VPS13A: variants seen among roughly 807,000 people sequenced by gnomAD.
The protein encoded by VPS13A is vacuolar protein sorting 13 homolog A.
Under a neutral mutation model 390.9 loss-of-function variants are expected in VPS13A, and 264 were observed. The ratio of observed to expected loss-of-function variants is 0.68; its 90% CI spans 0.61 to 0.75. The LOEUF is 0.75. Ranked by LOEUF, VPS13A falls within the 30% of genes least tolerant of loss-of-function variation. The pLI is 0.00. For missense variants in VPS13A, 3,409 were observed against 3,733.9 expected (o/e 0.91, Z 2.27); for synonymous variants, 1,231 against 1,227.1 (o/e 1.00, Z -0.07).
In VPS13A at chr9:77,225,957, T is replaced by C. The variant is rs1195440507; in HGVS notation, c.1193T>C (p.Ile398Thr). The C allele has an allele frequency of 4.3e-6, 7 of 1,612,260 alleles. No individual in the cohort carries two copies. Among genetic ancestry groups the C allele is most frequent in the Non-Finnish European group, 5.9e-6 (7 of 1,179,168 alleles). ...GAAAAAACCTTGGATGTCTTTAATA[T>C]AACTATAGCTAGACAGACGGCAGAA... Reference protein sequence around the residue: ...ELEKTLDVFNITIARQTAEVE... With the variant: ...ELEKTLDVFNTTIARQTAEVE... The change falls in exon 14 of 72, where the codon ATA (isoleucine) becomes ACA (threonine). Residue 398 changes from isoleucine to threonine, a missense_variant. Physicochemically the swap from Ile to Thr is moderately conservative, Grantham distance 89. Around this residue, in one of 5 missense-constraint regions of VPS13A, gnomAD observed 2,717 missense variants for 2,917.4 expected, o/e 0.93. Coordinates refer to ENST00000360280, the MANE Select transcript of VPS13A (RefSeq NM_033305.3).
intron 68 of VPS13A, among the ~76,000 whole-genome samples, chr9:77,390,710 ACT>A (rs1223050111): frequency 7.8e-6 from 1 of 128,536 alleles, no homozygotes; most frequent in Non-Finnish European, 1.5e-5. Flanking sequence ...ACAAGGTCTC[ACT>A]CTCTCGCCCA....
chr9:77,359,486 C>T (rs1486857406), intron 58 of VPS13A, 84 bp downstream of exon 58: 21 of 1,163,950 alleles, frequency 1.8e-5, no homozygotes, highest in Non-Finnish European at 1.9e-5. Flanking sequence ...AAATGTTGGA[C>T]AAGTCAAAGA....
At position 77,417,270 on chromosome 9, in the gene VPS13A, G is replaced by A. The variant is rs1271102775; in HGVS notation, c.*1264G>A. 3 of 152,090 alleles carry A rather than the reference G, an allele frequency of 2.0e-5. No homozygotes were observed. Among genetic ancestry groups the A allele is most frequent in the Non-Finnish European group, 4.4e-5 (3 of 68,012 alleles). 9.4% of individuals were successfully genotyped at this position (152,090 alleles called of 1,614,324 possible). The stretch of plus-strand genomic sequence containing the variant: ...GTTACTATTAACTGTTTTTGGAATT[G>A]AAGACTCTGTATAGTCAATAGTTGT... On this transcript the variant is annotated 3_prime_UTR_variant, in exon 72 of 72. Transcript: ENST00000360280.
At chr9:77,384,849 GA>G in intron 68 of VPS13A, 2 of 1,440,262 alleles carry the variant, frequency 1.4e-6, no homozygotes, top group South Asian at 1.5e-5. Context: ...TTTAAGCACA[GA>G]AAAAAATGTA....
At chr9:77,244,362 C>T (rs1019745277) in intron 19 of VPS13A, among the ~76,000 whole-genome samples, 1 of 152,130 alleles carries the variant, frequency 6.6e-6, no homozygotes, top group Admixed American at 6.5e-5. Flanking sequence ...GAAGGAACCT[C>T]TGTGAGTCAT....
At chr9:77,213,703 T>C (rs1189072866) in intron 9 of VPS13A, among the ~76,000 whole-genome samples, 1 of 152,014 alleles carries the variant, frequency 6.6e-6, no homozygotes, top group Non-Finnish European at 1.5e-5. Flanking sequence ...GGTCTCACTT[T>C]TTGTTGCCCA....
intron 1 of VPS13A, among the ~76,000 whole-genome samples, chr9:77,192,002 G>C (rs1824715322): frequency 6.6e-6 from 1 of 152,096 alleles, no homozygotes; most frequent in Non-Finnish European, 1.5e-5. Context: ...GTCTCTGAGA[G>C]CTTCTTTTTT....
intron 31 of VPS13A, among the ~76,000 whole-genome samples, chr9:77,284,118 C>T (rs1370069896): frequency 6.6e-6 from 1 of 151,848 alleles, no homozygotes; most frequent in African/African-American, 2.4e-5. Flanking sequence ...TAAGAGAGTC[C>T]TTTGAACTGG....
chr9:77,230,869 T>G (rs1169870679), intron 17 of VPS13A, among the ~76,000 whole-genome samples: 1 of 152,164 alleles, frequency 6.6e-6, no homozygotes, highest in Non-Finnish European at 1.5e-5. Context: ...TATTAAGTCT[T>G]CCAATCCATG....
chr9:77,281,836 G>A, intron 27 of VPS13A, 31 bp from the exon 28 acceptor site: 2 of 1,484,092 alleles, frequency 1.3e-6, no homozygotes, highest in Non-Finnish European at 1.9e-6. Flanking sequence ...TTCCTAACGT[G>A]TTCTAACAGA....
At chr9:77,358,039 C>G (rs1273336911) in intron 56 of VPS13A, among the ~76,000 whole-genome samples, 3 of 148,018 alleles carry the variant, frequency 2.0e-5, no homozygotes, top group Non-Finnish European at 4.5e-5. Flanking sequence ...CACTGCAAAC[C>G]CTGCCTCCCA....
intron 14 of VPS13A, 66 bp from the exon 15 acceptor site, chr9:77,226,400 T>G: frequency 7.0e-7 from 1 of 1,436,184 alleles, no homozygotes; most frequent in Non-Finnish European, 9.8e-7. Context: ...AATGTCTTGC[T>G]TATATTTGTT....
rs773630483 is a variant in VPS13A at position 77,345,046 on chromosome 9, A to G, written c.7193A>G (p.His2398Arg). 10 of 1,612,986 alleles carry G rather than the reference A, an allele frequency of 6.2e-6. No homozygotes were observed. Among genetic ancestry groups the G allele is most frequent in the African/African-American group, 1.3e-5 (1 of 74,932 alleles). ...GIIAEVNLAE[H>R]STVITFLDYH... The stretch of plus-strand genomic sequence containing the variant: ...ATAGCAGAAGTGAATTTGGCCGAGC[A>G]TTCTACAGTTATTACATTTTTAGAT... Residue 2398 changes from histidine to arginine, a missense_variant, in exon 52 of 72, where the codon CAT (histidine) becomes CGT (arginine). By Grantham distance (29) the His-to-Arg change is conservative. This residue lies in a region of VPS13A where 2,717 missense variants were observed against 2,917.4 expected (regional missense o/e 0.93). Coordinates refer to ENST00000360280, the MANE Select transcript of VPS13A (RefSeq NM_033305.3).
At chr9:77,251,502 G>A (rs946741260) in intron 21 of VPS13A, among the ~76,000 whole-genome samples, 2 of 152,102 alleles carry the variant, frequency 1.3e-5, no homozygotes, top group Admixed American at 1.3e-4. Context: ...CTTTTAGTAT[G>A]TTTTTCAGTG....
Position 77,339,560 on chromosome 9 carries a change from C to T in VPS13A, c.6423C>T (p.Ala2141=). 1.3e-6 allele frequency: 2 copies of T among 1,582,942 alleles called. No individual in the cohort carries two copies. The highest frequency in any genetic ancestry group is 1.7e-6 in the Non-Finnish European group (2 of 1,162,956). ...TTACTCTAAGTGAAGGACATTCAGC[C>T]CAGATTTGTACTGCACAGTTGGGTA... The part of the protein sequence containing the change: ...SVFTLSEGHS[A]QICTAQLGKA... The change falls in exon 48 of 72, where the codon GCC becomes GCT. Residue 2141 remains alanine (A), a synonymous_variant. Coordinates refer to ENST00000360280, the MANE Select transcript of VPS13A (RefSeq NM_033305.3).
In VPS13A at chr9:77,340,483, A is replaced by G; in HGVS notation, c.6959A>G (p.Lys2320Arg). ...TFTPFYMIKN[K>R]SKYHISVAEE... is the part of the protein sequence containing the mutation. Reference sequence around the variant, plus strand: ...ACCCCTTTTTATATGATTAAAAACAAAAGCAAATACCATATATCAGTGGCT... The same window carrying G: ...ACCCCTTTTTATATGATTAAAAACAGAAGCAAATACCATATATCAGTGGCT... Residue 2320 changes from lysine (K) to arginine (R), a missense_variant, in exon 50 of 72, where the codon AAA (lysine) becomes AGA (arginine). Physicochemically the swap from Lys to Arg is conservative, Grantham distance 26. Transcript: ENST00000360280. 1 of 1,613,546 alleles carries G rather than the reference A, an allele frequency of 6.2e-7. No individual in the cohort carries two copies.
At chr9:77,402,260 T>G (rs1012145302) in intron 68 of VPS13A, among the ~76,000 whole-genome samples, 1 of 151,988 alleles carries the variant, frequency 6.6e-6, no homozygotes, top group Non-Finnish European at 1.5e-5. Context: ...GTTTTTTAAC[T>G]TCTTTCTCAG....
In VPS13A at chr9:77,295,778, G is replaced by T. The variant is rs1326623316; in HGVS notation, c.3744G>T (p.Glu1248Asp). ...CAAATACCTTTCATATGATAACAGA[G>T]AGCCAGAGCTCTCCCCCACCTGTTA... The part of the protein sequence containing the change: ...TMTNTFHMIT[E>D]SQSSPPPVID... The change falls in exon 33 of 72, where the codon GAG becomes GAT. Residue 1248 changes from glutamate to aspartate, a missense_variant. Coordinates refer to ENST00000360280, the MANE Select transcript of VPS13A (RefSeq NM_033305.3). 1.9e-6 allele frequency: 3 copies of T among 1,614,008 alleles called. No individual in the cohort carries two copies. Among genetic ancestry groups the T allele is most frequent in the South Asian group, 2.2e-5 (2 of 91,070 alleles).
chr9:77,363,057 G>C (rs73654021), intron 59 of VPS13A, among the ~76,000 whole-genome samples: 1,969 of 152,102 alleles, frequency 0.013, 41 homozygotes, highest in African/African-American at 0.045. Flanking sequence ...TGAGAGGAGA[G>C]GTAGTTTTAC....
Sources: allele counts gnomAD v4.1 joint callset (sites outside exome capture counted in the v4.1 genomes callset), GRCh38; gene constraint gnomAD v4.1.1; regional missense constraint gnomAD v4.1.1; transcripts MANE v1.5; gene names NCBI Gene and HGNC (gene_info 2026-07-23, HGNC 2026-07-21).